Variants in PCNX2 observed in about 807,000 individuals in gnomAD.
PCNX2 encodes the protein pecanex-like protein 2.
In PCNX2, 168 loss-of-function variants were observed where a neutral mutation model predicts 223.8. That is an observed-to-expected ratio of 0.75 (90% CI 0.66 to 0.85). The LOEUF (loss-of-function observed/expected upper bound fraction) is 0.85, where lower values mean the gene tolerates loss of function less well. Ranked by LOEUF, PCNX2 falls within the 40% of genes least tolerant of loss-of-function variation. The pLI, the probability that PCNX2 is intolerant of heterozygous loss-of-function variation, is 0.00. For synonymous variants in PCNX2, 1,006 were observed against 1,052.6 expected (o/e 0.96, Z 0.86); for missense variants, 2,507 against 2,675.5 (o/e 0.94, Z 1.39).
intron 1 of PCNX2, chr1:233,288,913 T>C (rs1055414832): frequency 2.0e-6 from 3 of 1,465,734 alleles, no homozygotes; most frequent in Non-Finnish European, 1.9e-6. Flanking sequence ...CCCATGAGCT[T>C]CTTATAGACA....
chr1:233,241,495 G>C, intron 8 of PCNX2: 1 of 654,046 alleles, frequency 1.5e-6, no homozygotes, highest in Non-Finnish European at 1.9e-6. Context: ...AGAGTAAAAA[G>C]TGAAAGCCAA....
At chr1:233,004,630 G>A (rs960325059) in intron 28 of PCNX2, among the ~76,000 whole-genome samples, 2 of 152,240 alleles carry the variant, frequency 1.3e-5, no homozygotes, top group African/African-American at 4.8e-5. Flanking sequence ...TGTGAAGGGA[G>A]TCTCTGAGGA....
chr1:233,120,691 T>C (rs1675731170), intron 21 of PCNX2, among the ~76,000 whole-genome samples: 1 of 152,186 alleles, frequency 6.6e-6, no homozygotes, highest in South Asian at 2.1e-4. Flanking sequence ...AGTTATATAT[T>C]GTATGATTCC....
intron 26 of PCNX2, among the ~76,000 whole-genome samples, chr1:233,019,867 C>T (rs1670817758): frequency 1.3e-5 from 2 of 152,270 alleles, no homozygotes; most frequent in South Asian, 4.1e-4. Flanking sequence ...TTTAAGTCGT[C>T]GGCCCAAAGT....
At chr1:233,312,131 A>G in the PCNX2 span, among the ~76,000 whole-genome samples, 1 of 152,162 alleles carries the variant, frequency 6.6e-6, no homozygotes, top group Non-Finnish European at 1.5e-5. Flanking sequence ...CTGTCTCAAA[A>G]TAACAATAAT....
chr1:233,179,533 TATTA>T (rs1322566842), intron 15 of PCNX2, among the ~76,000 whole-genome samples: 4 of 152,234 alleles, frequency 2.6e-5, no homozygotes, highest in Non-Finnish European at 5.9e-5. Flanking sequence ...TCTCAATGTT[TATTA>T]ATTGATGGTC....
intron 15 of PCNX2, 115 bp from the exon 16 acceptor site, chr1:233,179,290 T>C (rs1335634371): frequency 1.9e-6 from 2 of 1,063,044 alleles, no homozygotes; most frequent in East Asian, 2.7e-5. Flanking sequence ...GTTATTCCCA[T>C]GATTATTCCT....
Position 233,295,275 on chromosome 1 carries a change from C to T in PCNX2, c.153+51G>A, listed in dbSNP as rs1662012725. ...ATGGCACGTCTGTGGTTCCTTTCTC[C>T]TTCTTCCCTCCATACCCACAGCTCC... On this transcript the variant is annotated intron_variant, in intron 1 of 33. Coordinates refer to ENST00000258229, the MANE Select transcript of PCNX2 (RefSeq NM_014801.4). The surrounding 1 kb of genome is among the most constrained non-coding windows in gnomAD (Gnocchi z 4.1). 7 of 1,556,936 alleles carry T rather than the reference C, an allele frequency of 4.5e-6. No individual in the cohort carries two copies. The Admixed American group carries it at 5.8e-5, about 13-fold the overall frequency.
chr1:233,062,088 T>C (rs746039818), intron 23 of PCNX2, among the ~76,000 whole-genome samples: 10 of 152,172 alleles, frequency 6.6e-5, no homozygotes, highest in Non-Finnish European at 1.5e-4. Context: ...CAGTTTTCTT[T>C]AGCTGCCCTC....
At chr1:233,027,352 G>A (rs1671114891) in intron 25 of PCNX2, among the ~76,000 whole-genome samples, 1 of 152,126 alleles carries the variant, frequency 6.6e-6, no homozygotes, top group Non-Finnish European at 1.5e-5. Context: ...GTGAATGTAG[G>A]CAACAATTTC....
chr1:233,017,348 T>C (rs535045752), intron 26 of PCNX2, among the ~76,000 whole-genome samples, 194 bp from the exon 27 acceptor site: 134 of 139,668 alleles, frequency 9.6e-4, no homozygotes, highest in African/African-American at 1.5e-3. Context: ...GACGGAGTCT[T>C]GCTCTGTCAC....
At chr1:233,161,217 T>C (rs1424103087) in intron 18 of PCNX2, 54 bp downstream of exon 18, 4 of 1,507,300 alleles carry the variant, frequency 2.7e-6, no homozygotes, top group Admixed American at 1.7e-5. Flanking sequence ...ATGACAGCTT[T>C]GTTATTAAGG....
chr1:233,047,392 T>C, intron 25 of PCNX2: 1 of 985,306 alleles, frequency 1.0e-6, no homozygotes, highest in Non-Finnish European at 1.2e-6. Flanking sequence ...TTGGACCCTT[T>C]AAACTCAAAG....
At position 233,160,373 on chromosome 1, in the gene PCNX2, C is replaced by A; in HGVS notation, c.3427G>T (p.Val1143Leu). Residue 1143 changes from valine to leucine, a missense_variant, in exon 19 of 34, where the codon GTG (valine) becomes TTG (leucine). By Grantham distance (32) the Val-to-Leu change is conservative. Transcript: ENST00000258229. ...TGATGCTTGCGGAGCTGAGGGAGCA[C>A]GTAATGTGTTACAAACCCCACGGCT... is the stretch of plus-strand genomic sequence containing the variant. ...AGAVGFVTHYVLPQLRKHHPW... is the reference protein window; with the variant it reads ...AGAVGFVTHYLLPQLRKHHPW... The A allele has an allele frequency of 1.2e-6, 2 of 1,613,074 alleles. No individual in the cohort carries two copies. Among genetic ancestry groups the A allele is most frequent in the East Asian group, 2.2e-5 (1 of 44,888 alleles).
the PCNX2 span, among the ~76,000 whole-genome samples, chr1:233,313,512 C>G: frequency 6.6e-6 from 1 of 151,512 alleles, no homozygotes. Context: ...AATAAAGGAA[C>G]AGATTCAACA....
chr1:233,048,545 C>T (rs894709283), intron 25 of PCNX2, among the ~76,000 whole-genome samples: 6 of 152,138 alleles, frequency 3.9e-5, no homozygotes, highest in Admixed American at 3.9e-4. Context: ...GTGCTAAATG[C>T]CTACCTCTAA....
intron 25 of PCNX2, among the ~76,000 whole-genome samples, chr1:233,028,748 A>T (rs1671167150): frequency 1.3e-5 from 2 of 151,994 alleles, no homozygotes; most frequent in African/African-American, 4.8e-5. Context: ...ATTTACATGT[A>T]ATGTGGTTAT....
At chr1:233,061,265 C>T (rs771899726) in intron 23 of PCNX2, among the ~76,000 whole-genome samples, 22 of 152,214 alleles carry the variant, frequency 1.4e-4, no homozygotes, top group Non-Finnish European at 2.8e-4. Flanking sequence ...AGTTTAAATA[C>T]AGGGGTACTG....
chr1:233,016,934 C>T lies in PCNX2; in HGVS notation c.4826G>A (p.Arg1609Gln), dbSNP rs369652650. The change falls in exon 27 of 34, where the codon CGG becomes CAG. Residue 1609 changes from arginine to glutamine, a missense_variant. By Grantham distance (43) the Arg-to-Gln change is conservative (BLOSUM62 1). This residue lies in a region of PCNX2 where 1,372 missense variants were observed against 1,509.4 expected (regional missense o/e 0.91). Transcript: ENST00000258229. Reference sequence around the variant, plus strand: ...TCCCTGACCTACCTCTTGTCTTTTCCGTGCACAGTGTTGAATCCATTCTAG... The same window carrying T: ...TCCCTGACCTACCTCTTGTCTTTTCTGTGCACAGTGTTGAATCCATTCTAG... ...VYLEWIQHCARKRQEPSTTLD... is the reference protein window; with the variant it reads ...VYLEWIQHCAQKRQEPSTTLD... The T allele has an allele frequency of 4.3e-5, 69 of 1,601,978 alleles. No homozygotes were observed. The African/African-American group carries it at 7.9e-4, about 18-fold the overall frequency.
Sources: allele counts gnomAD v4.1 joint callset (sites outside exome capture counted in the v4.1 genomes callset), GRCh38; gene constraint gnomAD v4.1.1; regional missense constraint gnomAD v4.1.1; non-coding constraint Gnocchi (gnomAD v3.1); transcripts MANE v1.5; gene names NCBI Gene and HGNC (gene_info 2026-07-23, HGNC 2026-07-21).